The following MTCL1 variants were observed in gnomAD, a reference collection of about 807,000 sequenced individuals.
The protein encoded by MTCL1 is microtubule cross-linking factor 1.
Under a neutral mutation model 141.4 loss-of-function variants are expected in MTCL1, and 79 were observed. The ratio of observed to expected loss-of-function variants is 0.56; its 90% CI spans 0.47 to 0.67. The LOEUF (loss-of-function observed/expected upper bound fraction) is 0.67. Ranked by LOEUF, MTCL1 falls within the 30% of genes least tolerant of loss-of-function variation. MTCL1 has a pLI of 0.00. For synonymous variants in MTCL1, 914 were observed against 875.8 expected (o/e 1.04, Z -0.77); for missense variants, 2,177 against 2,113.9 (o/e 1.03, Z -0.59).
At chr18:8,785,876 G>GT (rs969383064) in intron 6 of MTCL1, 60 bp from the exon 6 acceptor site, 55 of 1,515,914 alleles carry the variant, frequency 3.6e-5, no homozygotes, top group African/African-American at 5.6e-5. Context: ...TTGTTTGTTT[G>GT]TTTTTTTGTT....
rs374469429 is a variant in MTCL1 at position 8,824,709 on chromosome 18, G to A, written c.3199G>A (p.Val1067Met). 1.1e-5 allele frequency: 18 copies of A among 1,610,878 alleles called. No homozygotes were observed. The highest frequency in any genetic ancestry group is 3.3e-5 in the South Asian group (3 of 90,518). ...TTCTGCTTTTCCCAGGGCGGTGTCC[G>A]TGTCCTCCATGTCTGAGTTCCAGCG... Residue 1067 changes from valine to methionine, a missense_variant, in exon 15 of 17, where the codon GTG becomes ATG. Val to Met is a conservative substitution (Grantham distance 21, BLOSUM62 1). Coordinates refer to ENST00000359865, the Ensembl canonical transcript of MTCL1.
intron 6 of MTCL1, 98 bp from the exon 6 acceptor site, chr18:8,785,838 C>T (rs1172575746): frequency 3.5e-6 from 5 of 1,437,944 alleles, no homozygotes; most frequent in African/African-American, 1.4e-5. Flanking sequence ...TTTTCTTTAT[C>T]CCCCCTCCCT....
At chr18:8,754,868 A>G (rs993468621) in intron 4 of MTCL1, among the ~76,000 whole-genome samples, 1 of 152,156 alleles carries the variant, frequency 6.6e-6, no homozygotes, top group African/African-American at 2.4e-5. Flanking sequence ...TGGGAAGAAC[A>G]TAGCTTGCAG....
At chr18:8,743,818 G>A (rs535500902) in intron 4 of MTCL1, among the ~76,000 whole-genome samples, 8 of 152,336 alleles carry the variant, frequency 5.3e-5, no homozygotes, top group Non-Finnish European at 7.3e-5. Context: ...TCCCTTTGCC[G>A]TGTAGCATGA....
intron 11 of MTCL1, among the ~76,000 whole-genome samples, chr18:8,807,989 A>G (rs2076356654): frequency 6.6e-6 from 1 of 151,396 alleles, no homozygotes; most frequent in Non-Finnish European, 1.5e-5. Flanking sequence ...TAAAAGATGA[A>G]AAAGACTTGA....
rs187285285 is a variant in MTCL1, at chr18:8,706,969, A to G, written c.1053+256A>G. 5.6e-5 allele frequency: 30 copies of G among 534,838 alleles called. No homozygotes were observed. In the East Asian group the frequency reaches 1.1e-3, roughly 19 times the overall value. The allele number at this position is 534,838 out of a possible 1,614,324, so 33.1% of individuals were successfully genotyped here. A position where few individuals can be genotyped will look rare whatever the true frequency, so the allele number is the denominator to read the frequency against. ...CTAGAACTCTTGCGTCTCTTCGCTG[A>G]TACTTTTACTTTTGTTGACCTGTTG... On this transcript the variant is annotated intron_variant, in intron 1 of 13. Coordinates refer to the MTCL1 transcript ENST00000306329.
intron 1 of MTCL1, among the ~76,000 whole-genome samples, chr18:8,711,829 A>G (rs2096094410): frequency 1.3e-5 from 2 of 151,964 alleles, no homozygotes; most frequent in Admixed American, 6.5e-5. Context: ...ATTTTCTCCC[A>G]TGTTGTAGGT....
chr18:8,705,751 C>T lies in MTCL1; in HGVS notation c.91C>T (p.Pro31Ser). ...GCACCACCGCCACCACCACCTCCAC[C>T]CGGTGGCCGAAAGGCGGCGGCTGCA... is the stretch of plus-strand genomic sequence containing the variant. The change falls in exon 1 of 14, where the codon CCG becomes TCG. Residue 31 changes from proline (P) to serine (S), a missense_variant. By Grantham distance (74) the Pro-to-Ser change is moderately conservative (BLOSUM62 -1). Transcript: ENST00000306329. The surrounding 1 kb of genome is among the most constrained non-coding windows in gnomAD (Gnocchi z 5.2). The T allele has an allele frequency of 8.3e-7, 1 of 1,204,016 alleles. No individual in the cohort carries two copies. The allele number at this position is 1,204,016 out of a possible 1,614,324, so 74.6% of individuals were successfully genotyped here.
chr18:8,826,062 T>G (rs374646453), exon 15 of MTCL1: 1 of 1,611,678 alleles, frequency 6.2e-7, no homozygotes, highest in African/African-American at 1.3e-5. Context: ...GAAGCAGGAC[T>G]TATCTGCTCC....
rs761804612 is a variant in MTCL1, at chr18:8,727,897, T to TCC, written c.357+7402_357+7403insCC. On this transcript the variant is annotated intron_variant, in intron 4 of 16. Transcript: ENST00000359865. ...CTCCCTGCTTCCCTCCCTCCCTCCC[T>TCC]CTCTCTCTCTCTCTTTCTTTGACTT... 2.9e-5 allele frequency among the ~76,000 whole-genome samples: 4 copies of TCC among 137,202 alleles called. 1 individual carries two copies. Among genetic ancestry groups the TCC allele is most frequent in the Admixed American group, 1.4e-4 (2 of 13,848 alleles). 90.0% of individuals were successfully genotyped at this position (137,202 alleles called of 152,430 possible).
chr18:8,724,127 T>C (rs905110349), intron 4 of MTCL1, among the ~76,000 whole-genome samples: 3 of 152,082 alleles, frequency 2.0e-5, no homozygotes, highest in Non-Finnish European at 2.9e-5. Flanking sequence ...CACTTGAAAA[T>C]GGTTTGTTTT....
At chr18:8,770,578 C>T (rs560525670) in intron 4 of MTCL1, among the ~76,000 whole-genome samples, 8 of 152,286 alleles carry the variant, frequency 5.3e-5, no homozygotes, top group African/African-American at 1.4e-4. Flanking sequence ...AACCTAGTTA[C>T]GTCCCAAAGG....
intron 9 of MTCL1, among the ~76,000 whole-genome samples, chr18:8,797,654 G>A (rs1314877040): frequency 6.6e-6 from 1 of 152,210 alleles, no homozygotes; most frequent in South Asian, 2.1e-4. Flanking sequence ...TCCTAGGAAT[G>A]GGAAAATACA....
Position 8,830,126 on chromosome 18 carries a change from A to C in MTCL1, c.*18+1162A>C. 2 of 985,440 alleles carry C rather than the reference A, an allele frequency of 2.0e-6. No individual in the cohort carries two copies. The highest frequency in any genetic ancestry group is 9.4e-5 in the South Asian group (2 of 21,266). 61.0% of individuals were successfully genotyped at this position (985,440 alleles called of 1,614,324 possible). On this transcript the variant is annotated intron_variant, in intron 16 of 16. Transcript: ENST00000359865. This position sits in a 1 kb window ranked among gnomAD's most constrained non-coding sequence, Gnocchi z 6.4. ...GACACAAAACACACAGATTTCCCAA[A>C]CCGTGTGTCCCAGTCAAGCACTGTG... is the stretch of plus-strand genomic sequence containing the variant.
In MTCL1 at chr18:8,796,472, CT is replaced by C. The variant is rs1227821025; in HGVS notation, c.2241+11del. ...AGAGGAGTTCACTGAGGTAACTCCA[CT>C]GTCGAATTCCTTTTATTTGCATCTG... On this transcript the variant is annotated intron_variant, in intron 9 of 16. Transcript: ENST00000359865. 1.2e-6 allele frequency: 2 copies of C among 1,613,380 alleles called. No individual in the cohort carries two copies.
At chr18:8,783,044 G>A (rs912449435) in intron 5 of MTCL1, among the ~76,000 whole-genome samples, 24 of 152,336 alleles carry the variant, frequency 1.6e-4, no homozygotes, top group African/African-American at 5.8e-4. Flanking sequence ...TTGAAAGAGG[G>A]AGGTCTGCAC....
At chr18:8,716,569 ATTTT>A (rs138840096), upstream of MTCL1, among the ~76,000 whole-genome samples, 40 of 103,846 alleles carry the variant, frequency 3.9e-4, no homozygotes, top group African/African-American at 9.6e-4. Flanking sequence ...CTTTTTGTTC[ATTTT>A]TTTTTTTTTT....
chr18:8,807,798 C>T (rs893334138), intron 11 of MTCL1, among the ~76,000 whole-genome samples: 5 of 152,136 alleles, frequency 3.3e-5, no homozygotes, highest in Non-Finnish European at 7.4e-5. Flanking sequence ...GAGCGTCTCT[C>T]GAGGTTTCTT....
At chr18:8,717,206 CAGTA>C (rs2096134321), upstream of MTCL1, among the ~76,000 whole-genome samples, 1 of 151,966 alleles carries the variant, frequency 6.6e-6, no homozygotes, top group Non-Finnish European at 1.5e-5. Flanking sequence ...AGGTGACAGA[CAGTA>C]AGTAGGAAAA....
Sources: gnomAD v4.1 joint callset for allele counts (sites outside exome capture counted in the v4.1 genomes callset) on GRCh38, gnomAD v4.1.1 for gene constraint, Gnocchi (gnomAD v3.1) non-coding constraint, MANE v1.5 for transcripts, NCBI Gene and HGNC (gene_info 2026-07-23, HGNC 2026-07-21) for gene names.